SPATA6L: variants seen among roughly 807,000 people sequenced by gnomAD.
SPATA6L encodes spermatogenesis associated 6-like protein.
In SPATA6L, 68 loss-of-function variants were observed where a neutral mutation model predicts 49.2. The ratio of observed to expected loss-of-function variants is 1.38; its 90% CI spans 1.14 to 1.69. SPATA6L has a LOEUF of 1.69. Ranked by LOEUF, SPATA6L falls within the 40% of genes most tolerant of loss-of-function variation. The pLI is 0.00. For synonymous variants in SPATA6L, 198 were observed against 165.7 expected (o/e 1.19, Z -1.50); for missense variants, 668 against 464.3 (o/e 1.44, Z -4.03).
chr9:4,623,583 T>TA (rs1304739942), intron 6 of SPATA6L, among the ~76,000 whole-genome samples: 1 of 152,146 alleles, frequency 6.6e-6, no homozygotes. Flanking sequence ...TTAATGCTTC[T>TA]ACTTAAGGAA....
chr9:4,604,465 T>C (rs1413319383), intron 10 of SPATA6L, among the ~76,000 whole-genome samples, 196 bp from the exon 11 acceptor site: 1 of 152,122 alleles, frequency 6.6e-6, no homozygotes, highest in Non-Finnish European at 1.5e-5. Context: ...CAGGCTGGTC[T>C]TGAACCTCCT....
chr9:4,633,744 T>C (rs957492851), intron 4 of SPATA6L: 1 of 152,392 alleles, frequency 6.6e-6, no homozygotes, highest in Non-Finnish European at 1.5e-5. Context: ...TCTGTGAGCT[T>C]CTACTTCTGA....
rs548476743 is a variant in SPATA6L at position 4,617,844 on chromosome 9, G to C, written c.995+79C>G. On this transcript the variant is annotated intron_variant, in intron 9 of 11. Transcript: ENST00000682582. ...CAGCTGAATATTCCTAAGAAAGGAA[G>C]CTGGTGAAATGACCCAGCTTTACCC... 1.4e-5 allele frequency: 17 copies of C among 1,203,300 alleles called. No homozygotes were observed. In the African/African-American group the frequency reaches 2.5e-4, roughly 17 times the overall value. The allele number at this position is 1,203,300 out of a possible 1,614,324, so 74.5% of individuals were successfully genotyped here. A position where few individuals can be genotyped will look rare whatever the true frequency, so the allele number is the denominator to read the frequency against.
At chr9:4,644,606 G>T (rs1434857079) in intron 3 of SPATA6L, among the ~76,000 whole-genome samples, 1 of 149,698 alleles carries the variant, frequency 6.7e-6, no homozygotes, top group Non-Finnish European at 1.5e-5. Context: ...AAGAAAAAAA[G>T]CAGAAATGCG....
chr9:4,615,903 T>C (rs1384983311), intron 9 of SPATA6L, among the ~76,000 whole-genome samples: 6 of 152,200 alleles, frequency 3.9e-5, no homozygotes, highest in Admixed American at 3.3e-4. Flanking sequence ...TCCCCAGTTC[T>C]GGTGGCTGAG....
At chr9:4,638,025 C>G (rs977794652) in intron 3 of SPATA6L, among the ~76,000 whole-genome samples, 5 of 152,154 alleles carry the variant, frequency 3.3e-5, no homozygotes, top group African/African-American at 1.2e-4. Context: ...GACTTATAGA[C>G]ACTGGATTTA....
Position 4,660,534 on chromosome 9 carries a change from G to C in SPATA6L, c.177+1365C>G, listed in dbSNP as rs186331282. ...ATCATTAAAAAGTCAGGAAACAACA[G>C]GTGCTGGAGAGAATGTGGAGAAACA... On this transcript the variant is annotated intron_variant, in intron 2 of 11. Coordinates refer to ENST00000682582, the MANE Select transcript of SPATA6L (RefSeq NM_001353486.2). Among the ~76,000 whole-genome samples, 37 of 152,286 alleles carry C rather than the reference G, an allele frequency of 2.4e-4. No homozygotes were observed. In the East Asian group the frequency reaches 6.9e-3, roughly 29 times the overall value.
intron 3 of SPATA6L, among the ~76,000 whole-genome samples, chr9:4,651,831 T>C (rs946808267): frequency 6.6e-6 from 1 of 152,182 alleles, no homozygotes; most frequent in Non-Finnish European, 1.5e-5. Flanking sequence ...TAAAAAACCA[T>C]ATTTTAATAT....
In SPATA6L at chr9:4,635,368, G is replaced by T. The variant is rs761192646; in HGVS notation, c.258C>A (p.Asn86Lys). Residue 86 changes from asparagine (N) to lysine (K), a missense_variant, in exon 4 of 12, where the codon AAC (asparagine) becomes AAA (lysine). Physicochemically the swap from Asn to Lys is moderately conservative, Grantham distance 94. Transcript: ENST00000682582. ...MWDELAYYEE[N>K]TRDFLFPEPK... The stretch of plus-strand genomic sequence containing the variant: ...GCTCTGGGAAAAGAAAATCTCGTGT[G>T]TTTTCTTCGTAGTAGGCCAACTCAT... 1.3e-6 allele frequency: 2 copies of T among 1,591,128 alleles called. No homozygotes were observed. Among genetic ancestry groups the T allele is most frequent in the Admixed American group, 1.8e-5 (1 of 54,996 alleles).
At chr9:4,616,812 A>T (rs1253912978) in intron 9 of SPATA6L, among the ~76,000 whole-genome samples, 3 of 152,126 alleles carry the variant, frequency 2.0e-5, no homozygotes, top group South Asian at 4.1e-4. Context: ...CTCAAACTCC[A>T]GACCTCAGGT....
At chr9:4,595,789 A>G (rs1240966825), downstream of SPATA6L, among the ~76,000 whole-genome samples, 1 of 152,250 alleles carries the variant, frequency 6.6e-6, no homozygotes, top group Non-Finnish European at 1.5e-5. Context: ...GTTAATCAAT[A>G]TGAGACGATT....
chr9:4,604,191 T>C lies in SPATA6L; in HGVS notation c.1168A>G (p.Arg390Gly). The change falls in exon 11 of 12, where the codon AGA becomes GGA. Residue 390 changes from arginine to glycine, a missense_variant. Arg to Gly is a moderately radical substitution (Grantham distance 125). Transcript: ENST00000682582. ...PLKKYSLHEQRYF is the reference protein window; with the variant it reads ...PLKKYSLHEQGYF ...CATAAGACAGTACCTTAAAAATATCTCTGTTCATGCAGTGAGTATTTCTTC... is the reference window on the plus strand; with the variant it reads ...CATAAGACAGTACCTTAAAAATATCCCTGTTCATGCAGTGAGTATTTCTTC... The C allele has an allele frequency of 2.5e-6, 4 of 1,609,096 alleles. No individual in the cohort carries two copies. The highest frequency in any genetic ancestry group is 2.5e-6 in the Non-Finnish European group (3 of 1,176,814).
chr9:4,655,044 G>T (rs891114395), intron 3 of SPATA6L, among the ~76,000 whole-genome samples: 12 of 151,988 alleles, frequency 7.9e-5, no homozygotes, highest in African/African-American at 2.4e-4. Flanking sequence ...TCACTCCTAG[G>T]TATACCCAAG....
At chr9:4,666,114 T>C (rs777311057) in intron 1 of SPATA6L, 98 bp downstream of exon 1, 11 of 1,029,062 alleles carry the variant, frequency 1.1e-5, no homozygotes, top group African/African-American at 1.6e-5. Context: ...GATGTGTTTG[T>C]GGTAAGTGGG....
rs150430039 is a variant in SPATA6L, at chr9:4,611,404, T to C, written c.996-5964A>G. 3.3e-4 allele frequency among the ~76,000 whole-genome samples: 49 copies of C among 148,760 alleles called. 1 individual carries two copies. In the East Asian group the frequency reaches 9.1e-3, roughly 28 times the overall value. On this transcript the variant is annotated intron_variant, in intron 9 of 11. Coordinates refer to ENST00000682582, the MANE Select transcript of SPATA6L (RefSeq NM_001353486.2). The stretch of plus-strand genomic sequence containing the variant: ...CAAAGACTCGGAACCAACCCAAATG[T>C]CCAAGAATGATAGACTGGATTAAGA...
rs75027096 is a variant in SPATA6L at position 4,626,242 on chromosome 9, T to C, written c.430-676A>G. ...CTGCAAATGGCTCCAGATTATAGCC[T>C]TTCCCCTATTATGCCAGGACTAGCC... On this transcript the variant is annotated intron_variant, in intron 5 of 11. Coordinates refer to ENST00000682582, the MANE Select transcript of SPATA6L (RefSeq NM_001353486.2). 2.6e-3 allele frequency: 1,066 copies of C among 417,080 alleles called. 16 individuals carry two copies. Among genetic ancestry groups the C allele is most frequent in the African/African-American group, 0.02 (963 of 48,102 alleles). The allele number at this position is 417,080 out of a possible 1,614,324, so 25.8% of individuals were successfully genotyped here. A position where few individuals can be genotyped will look rare whatever the true frequency, so the allele number is the denominator to read the frequency against.
chr9:4,623,204 C>T (rs1471048258), intron 6 of SPATA6L, among the ~76,000 whole-genome samples: 1 of 152,058 alleles, frequency 6.6e-6, no homozygotes, highest in African/African-American at 2.4e-5. Context: ...CGCTTGAACC[C>T]GGGAGGCGAA....
intron 3 of SPATA6L, among the ~76,000 whole-genome samples, chr9:4,651,724 A>G (rs73393893): frequency 0.034 from 5,205 of 152,298 alleles, 279 homozygotes; most frequent in African/African-American, 0.12. Context: ...CAATAGATGT[A>G]GAAAAGGCGT....
intron 3 of SPATA6L, among the ~76,000 whole-genome samples, chr9:4,654,139 G>C (rs1837550213): frequency 6.6e-6 from 1 of 152,148 alleles, no homozygotes; most frequent in Non-Finnish European, 1.5e-5. Flanking sequence ...CAATCAAAAT[G>C]ACAGACAATA....
Sources: gnomAD v4.1 joint callset for allele counts (sites outside exome capture counted in the v4.1 genomes callset) on GRCh38, gnomAD v4.1.1 for gene constraint, MANE v1.5 for transcripts, NCBI Gene and HGNC (gene_info 2026-07-23, HGNC 2026-07-21) for gene names.